Variants in MEF2A observed in about 807,000 individuals in gnomAD.
MEF2A encodes myocyte-specific enhancer factor 2A.
Under a neutral mutation model 55.8 loss-of-function variants are expected in MEF2A, and 28 were observed. That is an observed-to-expected ratio of 0.50 (90% CI 0.37 to 0.69). The LOEUF (loss-of-function observed/expected upper bound fraction) is 0.69. Among genes scored for constraint, MEF2A ranks in the 30% least tolerant of loss-of-function variants. MEF2A has a pLI of 0.00. For synonymous variants in MEF2A, 239 were observed against 227.1 expected (o/e 1.05, Z -0.47); for missense variants, 528 against 626.2 (o/e 0.84, Z 1.67).
intron 2 of MEF2A, among the ~76,000 whole-genome samples, chr15:99,630,827 T>G (rs2042834212): frequency 6.6e-6 from 1 of 152,176 alleles, no homozygotes; most frequent in South Asian, 2.1e-4. Context: ...TTGGAGTCTG[T>G]CCCTATGCCT....
In MEF2A at chr15:99,715,509, G is replaced by C. The variant is rs1332081707; in HGVS notation, c.*2738G>C. ...TGTTAACCTTTTTCCCATACGTCCA[G>C]TGTGGCATGGAGCATATGGACTTGA... On this transcript the variant is annotated 3_prime_UTR_variant, in exon 12 of 12. Coordinates refer to ENST00000557942, the MANE Select transcript of MEF2A (RefSeq NM_001319206.4). The C allele has an allele frequency of 6.6e-6, 1 of 152,208 alleles. No individual in the cohort carries two copies. Among genetic ancestry groups the C allele is most frequent in the Non-Finnish European group, 1.5e-5 (1 of 68,048 alleles). The allele number at this position is 152,208 out of a possible 1,614,324, so 9.4% of individuals were successfully genotyped here.
chr15:99,629,379 G>A (rs1469740246), intron 2 of MEF2A, among the ~76,000 whole-genome samples: 2 of 152,252 alleles, frequency 1.3e-5, no homozygotes, highest in Non-Finnish European at 2.9e-5. Context: ...AAAGGGGCAC[G>A]AGAGCCTTTA....
chr15:99,614,779 T>C (rs752579915), intron 2 of MEF2A, among the ~76,000 whole-genome samples: 10 of 152,200 alleles, frequency 6.6e-5, no homozygotes, highest in Non-Finnish European at 1.2e-4. Flanking sequence ...TAAGAGCTAC[T>C]GAGAGAGAGC....
At chr15:99,697,136 C>T (rs2056600589) in intron 8 of MEF2A, among the ~76,000 whole-genome samples, 1 of 151,872 alleles carries the variant, frequency 6.6e-6, no homozygotes, top group African/African-American at 2.4e-5. Flanking sequence ...TAAAATACTT[C>T]ATAAGGGGAA....
intron 1 of MEF2A, among the ~76,000 whole-genome samples, chr15:99,574,224 G>T (rs1963519695): frequency 6.6e-6 from 1 of 152,126 alleles, no homozygotes; most frequent in South Asian, 2.1e-4. Flanking sequence ...TCTGGAAACA[G>T]AGATTATTAT....
intron 2 of MEF2A, among the ~76,000 whole-genome samples, chr15:99,632,571 T>G (rs2043120672): frequency 6.6e-6 from 1 of 152,146 alleles, no homozygotes; most frequent in Non-Finnish European, 1.5e-5. Context: ...TTGGGCGTAT[T>G]GCTTAATTTT....
chr15:99,586,518 G>C (rs1967324287), intron 1 of MEF2A, among the ~76,000 whole-genome samples: 1 of 151,938 alleles, frequency 6.6e-6, no homozygotes, highest in African/African-American at 2.4e-5. Flanking sequence ...TTTTAATAGG[G>C]TTATTTGCCT....
At chr15:99,692,383 A>T (rs1016745203) in intron 8 of MEF2A, among the ~76,000 whole-genome samples, 3 of 152,198 alleles carry the variant, frequency 2.0e-5, no homozygotes, top group Admixed American at 2.0e-4. Flanking sequence ...CCTCACAATT[A>T]AAAAAACTTG....
chr15:99,580,793 G>T (rs1433428900), intron 1 of MEF2A, among the ~76,000 whole-genome samples: 1 of 152,170 alleles, frequency 6.6e-6, no homozygotes, highest in Non-Finnish European at 1.5e-5. Flanking sequence ...CTAAACTTGT[G>T]AATTGGTTTG....
chr15:99,707,575 G>A (rs1455665301), intron 10 of MEF2A, among the ~76,000 whole-genome samples: 3 of 152,108 alleles, frequency 2.0e-5, no homozygotes, highest in Admixed American at 2.0e-4. Flanking sequence ...ATGGAGAATC[G>A]AGGGCAGCTG....
chr15:99,583,161 C>T (rs1006122989), intron 1 of MEF2A, among the ~76,000 whole-genome samples: 10 of 151,866 alleles, frequency 6.6e-5, no homozygotes, highest in East Asian at 1.9e-4. Context: ...GCTTTTTGTT[C>T]GTTTTAAATA....
At chr15:99,690,475 A>C (rs1032705279) in intron 8 of MEF2A, 47 bp downstream of exon 8, 1 of 1,485,890 alleles carries the variant, frequency 6.7e-7, no homozygotes, top group African/African-American at 1.4e-5. Flanking sequence ...CACATATTTT[A>C]TACATAGTCA....
chr15:99,676,321 T>G (rs559260022), intron 7 of MEF2A, among the ~76,000 whole-genome samples: 127 of 152,282 alleles, frequency 8.3e-4, no homozygotes, highest in African/African-American at 3.0e-3. Flanking sequence ...TGTATGTGTA[T>G]TTCCAAATAT....
intron 2 of MEF2A, among the ~76,000 whole-genome samples, chr15:99,605,603 A>G (rs971752621): frequency 6.6e-6 from 1 of 151,504 alleles, no homozygotes; most frequent in African/African-American, 2.4e-5. Flanking sequence ...GTAAATTGGT[A>G]TGCTTTTTTG....
At chr15:99,587,216 C>T (rs1408450131) in intron 1 of MEF2A, among the ~76,000 whole-genome samples, 1 of 152,028 alleles carries the variant, frequency 6.6e-6, no homozygotes, top group African/African-American at 2.4e-5. Context: ...TTGTCCCCCA[C>T]CCCATGACAG....
intron 4 of MEF2A, among the ~76,000 whole-genome samples, chr15:99,653,586 A>G (rs1385290840): frequency 6.6e-6 from 1 of 152,136 alleles, no homozygotes; most frequent in Non-Finnish European, 1.5e-5. Context: ...TGCTAAGGGT[A>G]TTTTATAAAG....
chr15:99,715,296 G>C lies in MEF2A; in HGVS notation c.*2525G>C, dbSNP rs1289214658. The C allele has an allele frequency of 6.6e-6, 1 of 152,130 alleles. No individual in the cohort carries two copies. The highest frequency in any genetic ancestry group is 2.4e-5 in the African/African-American group (1 of 41,434). 9.4% of individuals were successfully genotyped at this position (152,130 alleles called of 1,614,324 possible). On this transcript the variant is annotated 3_prime_UTR_variant, in exon 12 of 12. Transcript: ENST00000557942. ...AGGAGTTAACACATTCACATTTACT[G>C]TCTATTTTCTTGTGTGCCTTATGAG...
intron 8 of MEF2A, among the ~76,000 whole-genome samples, chr15:99,693,289 C>T (rs1192491914): frequency 1.3e-5 from 2 of 152,104 alleles, no homozygotes; most frequent in Non-Finnish European, 2.9e-5. Flanking sequence ...AGCTATGCAC[C>T]ATTATCAAAT....
intron 3 of MEF2A, among the ~76,000 whole-genome samples, chr15:99,640,375 G>A (rs2044660095): frequency 6.6e-6 from 1 of 152,002 alleles, no homozygotes; most frequent in African/African-American, 2.4e-5. Flanking sequence ...TACCTTCTTG[G>A]CAAATTTTGC....
Sources: allele counts gnomAD v4.1 joint callset (sites outside exome capture counted in the v4.1 genomes callset), GRCh38; gene constraint gnomAD v4.1.1; transcripts MANE v1.5; gene names NCBI Gene and HGNC (gene_info 2026-07-23, HGNC 2026-07-21).